The following PPFIBP1 variants were observed in gnomAD, a reference collection of about 807,000 sequenced individuals.
The protein encoded by PPFIBP1 is liprin-beta-1.
A neutral mutation model predicts 137.8 loss-of-function variants in PPFIBP1; 112 were observed. The observed-to-expected ratio is 0.81, with a 90% CI of 0.70 to 0.95. The LOEUF is 0.95. Ranked by LOEUF, PPFIBP1 falls within the 40% of genes least tolerant of loss-of-function variation. PPFIBP1 has a pLI of 0.00. For missense variants in PPFIBP1, 1,083 were observed against 1,196.6 expected (o/e 0.91, Z 1.40); for synonymous variants, 378 against 417.3 (o/e 0.91, Z 1.15).
chr12:27,629,181 T>A (rs1296968129), intron 2 of PPFIBP1, among the ~76,000 whole-genome samples: 3 of 152,218 alleles, frequency 2.0e-5, no homozygotes, highest in African/African-American at 7.2e-5. Flanking sequence ...GCATTCCCAA[T>A]TAAATTAGTT....
At chr12:27,618,972 T>TC (rs2056062187) in intron 2 of PPFIBP1, among the ~76,000 whole-genome samples, 1 of 152,170 alleles carries the variant, frequency 6.6e-6, no homozygotes, top group African/African-American at 2.4e-5. Context: ...AAGTATAACA[T>TC]CTATTAGAGA....
chr12:27,643,883 T>C (rs1441458000), intron 4 of PPFIBP1, among the ~76,000 whole-genome samples: 1 of 131,476 alleles, frequency 7.6e-6, no homozygotes, highest in Admixed American at 7.7e-5. Flanking sequence ...TTATGAGTGC[T>C]TGTAAATATC....
chr12:27,692,704 ATAAC>A (rs2061624336), intron 29 of PPFIBP1, 48 bp downstream of exon 29: 1 of 1,613,936 alleles, frequency 6.2e-7, no homozygotes. Flanking sequence ...AATGTCTTTT[ATAAC>A]AACCCCAAAG....
chr12:27,531,459 A>ACT (rs1944411315), intron 1 of PPFIBP1, among the ~76,000 whole-genome samples: 3 of 144,840 alleles, frequency 2.1e-5, no homozygotes. Flanking sequence ...TGAGCAGCTA[A>ACT]TTTTTTTTTT....
intron 1 of PPFIBP1, among the ~76,000 whole-genome samples, chr12:27,554,292 C>T (rs921760972): frequency 2.6e-5 from 4 of 152,160 alleles, no homozygotes; most frequent in Non-Finnish European, 5.9e-5. Flanking sequence ...GAAGCTGTTC[C>T]CTCCATTTAA....
At chr12:27,624,389 A>G (rs770938310) in intron 2 of PPFIBP1, among the ~76,000 whole-genome samples, 2 of 152,240 alleles carry the variant, frequency 1.3e-5, no homozygotes, top group Non-Finnish European at 2.9e-5. Flanking sequence ...AACTTATCAC[A>G]AGATCTTCAA....
chr12:27,586,620 C>A (rs1346575209), intron 2 of PPFIBP1, among the ~76,000 whole-genome samples: 1 of 151,972 alleles, frequency 6.6e-6, no homozygotes, highest in East Asian at 1.9e-4. Flanking sequence ...TCACTTGAAC[C>A]CAGGAGGCAG....
At chr12:27,580,709 G>A (rs912886487) in intron 2 of PPFIBP1, among the ~76,000 whole-genome samples, 4 of 152,068 alleles carry the variant, frequency 2.6e-5, no homozygotes, top group African/African-American at 9.7e-5. Context: ...CCTCACCTTA[G>A]ACTGAAACTC....
At chr12:27,528,818 C>T (rs1046274944) in intron 1 of PPFIBP1, among the ~76,000 whole-genome samples, 8 of 152,120 alleles carry the variant, frequency 5.3e-5, no homozygotes, top group African/African-American at 1.9e-4. Flanking sequence ...GAGGTAAATA[C>T]GTACCAGTCT....
At chr12:27,585,645 G>A (rs2051650340) in intron 2 of PPFIBP1, among the ~76,000 whole-genome samples, 1 of 152,164 alleles carries the variant, frequency 6.6e-6, no homozygotes, top group Non-Finnish European at 1.5e-5. Flanking sequence ...ATTTTTGTAA[G>A]TCTGGATAAA....
At position 27,645,373 on chromosome 12, in the gene PPFIBP1, A is replaced by G. The variant is rs77154853; in HGVS notation, c.271-689A>G. On this transcript the variant is annotated intron_variant, in intron 4 of 29. Transcript: ENST00000228425. ...GAGGCAGCTGAGGAAGAAACAATCT[A>G]TACATCGTTTCTCAATCTATACTTC... 0.01 allele frequency among the ~76,000 whole-genome samples: 1,550 copies of G among 152,320 alleles called. 63 individuals are homozygous for G. In the East Asian group the frequency reaches 0.12, roughly 11 times the overall value.
chr12:27,595,884 AAAATAT>A (rs2053193770), intron 2 of PPFIBP1, among the ~76,000 whole-genome samples: 4 of 55,606 alleles, frequency 7.2e-5, no homozygotes, highest in Non-Finnish European at 9.4e-5. Context: ...CAACAACAAC[AAAATAT>A]ATATATATAT....
At chr12:27,682,543 G>A (rs1251304589) in intron 23 of PPFIBP1, 45 bp downstream of exon 23, 3 of 1,604,260 alleles carry the variant, frequency 1.9e-6, no homozygotes, top group East Asian at 2.2e-5. Flanking sequence ...TATATACATA[G>A]TTGCTTTTTC....
chr12:27,619,148 A>G (rs1047474919), intron 2 of PPFIBP1, among the ~76,000 whole-genome samples: 3 of 152,018 alleles, frequency 2.0e-5, no homozygotes, highest in Admixed American at 6.6e-5. Context: ...GTCACTGGGT[A>G]TCCACGGGGA....
chr12:27,651,013 G>A (rs1359543198), intron 7 of PPFIBP1, among the ~76,000 whole-genome samples: 1 of 152,126 alleles, frequency 6.6e-6, no homozygotes, highest in Non-Finnish European at 1.5e-5. Context: ...AGAGAGGAGA[G>A]AAAATGGTTT....
At chr12:27,535,249 T>G (rs1043706099) in intron 1 of PPFIBP1, among the ~76,000 whole-genome samples, 1 of 152,332 alleles carries the variant, frequency 6.6e-6, no homozygotes, top group Non-Finnish European at 1.5e-5. Flanking sequence ...TGACTTGTCA[T>G]AGTATTGGCT....
chr12:27,585,122 G>A lies in PPFIBP1; in HGVS notation c.-36+6883G>A, dbSNP rs7955840. 7.9e-3 allele frequency among the ~76,000 whole-genome samples: 1,197 copies of A among 152,306 alleles called. 21 individuals carry two copies. The highest frequency in any genetic ancestry group is 0.027 in the African/African-American group (1,127 of 41,562). ...TGTATCATGCTCATTTTCGTGCACAGCCCCTGGCACGTTAATGTTCATTAA... is the reference window on the plus strand; with the variant it reads ...TGTATCATGCTCATTTTCGTGCACAACCCCTGGCACGTTAATGTTCATTAA... On this transcript the variant is annotated intron_variant, in intron 2 of 29. Transcript: ENST00000228425.
At chr12:27,654,953 G>C in intron 8 of PPFIBP1, 139 bp downstream of exon 8, 1 of 1,385,244 alleles carries the variant, frequency 7.2e-7, no homozygotes, top group South Asian at 1.6e-5. Context: ...TTCCCCCCAA[G>C]CTGGAAACCT....
chr12:27,690,949 A>G (rs1028611418), intron 27 of PPFIBP1, among the ~76,000 whole-genome samples: 4 of 151,692 alleles, frequency 2.6e-5, no homozygotes, highest in Admixed American at 6.6e-5. Context: ...TGTTATCCCA[A>G]CCAACTTGAT....
Sources: gnomAD v4.1 joint callset for allele counts (sites outside exome capture counted in the v4.1 genomes callset) on GRCh38, gnomAD v4.1.1 for gene constraint, MANE v1.5 for transcripts, NCBI Gene and HGNC (gene_info 2026-07-23, HGNC 2026-07-21) for gene names.